The following ASTN2 variants were observed in gnomAD, a reference collection of about 807,000 sequenced individuals.
ASTN2 encodes the protein astrotactin 2.
Under a neutral mutation model 139.8 loss-of-function variants are expected in ASTN2, and 54 were observed. The ratio of observed to expected loss-of-function variants is 0.39; its 90% CI spans 0.31 to 0.48. The LOEUF (loss-of-function observed/expected upper bound fraction) is 0.48. Among genes scored for constraint, ASTN2 ranks in the 20% least tolerant of loss-of-function variants. ASTN2 has a pLI of 0.95. For missense variants in ASTN2, 1,565 were observed against 1,725.1 expected, an observed-to-expected ratio of 0.91 and a Z score of 1.64; for synonymous variants, 756 against 719.5, an observed-to-expected ratio of 1.05 and a Z score of -0.81.
At chr9:116,867,861 GA>G (rs1199970144) in intron 10 of ASTN2, among the ~76,000 whole-genome samples, 2 of 151,884 alleles carry the variant, frequency 1.3e-5, no homozygotes, top group Non-Finnish European at 2.9e-5. Flanking sequence ...CGCAAGACAG[GA>G]AAAAAAAGCT....
chr9:116,726,192 C>G (rs1828618581), intron 15 of ASTN2, among the ~76,000 whole-genome samples: 1 of 152,062 alleles, frequency 6.6e-6, no homozygotes, highest in Non-Finnish European at 1.5e-5. Flanking sequence ...GAGAAGAAGG[C>G]CTAAACTCAG....
intron 13 of ASTN2, among the ~76,000 whole-genome samples, chr9:116,804,446 A>G (rs1805750757): frequency 1.3e-5 from 2 of 152,102 alleles, no homozygotes; most frequent in Non-Finnish European, 2.9e-5. Context: ...GCTACTCTAG[A>G]TTTCTCTTTC....
At chr9:116,559,735 C>T (rs1361923433) in intron 19 of ASTN2, among the ~76,000 whole-genome samples, 1 of 152,142 alleles carries the variant, frequency 6.6e-6, no homozygotes, top group Non-Finnish European at 1.5e-5. Context: ...CTTCAAGGAA[C>T]CTAAGGAACT....
At chr9:116,942,096 ACACACACACACACACACAC>A (rs1835255113) in intron 10 of ASTN2, among the ~76,000 whole-genome samples, 1 of 136,300 alleles carries the variant, frequency 7.3e-6, no homozygotes, top group South Asian at 2.4e-4. Context: ...GCACGCACAC[ACACACACACACACACACAC>A]CACACACACA....
intron 13 of ASTN2, among the ~76,000 whole-genome samples, chr9:116,734,469 A>G (rs1828868988): frequency 6.6e-6 from 1 of 152,162 alleles, no homozygotes; most frequent in Non-Finnish European, 1.5e-5. Context: ...GCCAGTTGGC[A>G]CGGATGGTAT....
In ASTN2 at chr9:117,210,981, CA is replaced by C. The variant is rs57888812; in HGVS notation, c.1015+3376del. Reference sequence around the variant, plus strand: ...AAAAAACCATATGATCATCTCAAAGCAAAAAAAAAAAAAGCTTTTGAAATTT... The same window carrying C: ...AAAAAACCATATGATCATCTCAAAGCAAAAAAAAAAAAGCTTTTGAAATTT... On this transcript the variant is annotated intron_variant, in intron 3 of 22. Transcript: ENST00000313400. Among the ~76,000 whole-genome samples the C allele has an allele frequency of 9.0e-3, 1,239 of 136,938 alleles. 24 individuals are homozygous for C. The highest frequency in any genetic ancestry group is 0.031 in the African/African-American group (1,154 of 36,986). The allele number at this position is 136,938 out of a possible 152,430, so 89.8% of individuals were successfully genotyped here.
At position 116,943,643 on chromosome 9, in the gene ASTN2, C is replaced by T. The variant is rs16934079; in HGVS notation, c.1889+31565G>A. ...GCAGTACTGCAGATCAAAATCATCA[C>T]GGCTTCCCTAATTTCCCCAACATAA... is the stretch of plus-strand genomic sequence containing the variant. On this transcript the variant is annotated intron_variant, in intron 10 of 22. Transcript: ENST00000313400. Among the ~76,000 whole-genome samples the T allele has an allele frequency of 9.2e-3, 1,397 of 152,258 alleles. 29 individuals carry two copies. Among genetic ancestry groups the T allele is most frequent in the African/African-American group, 0.031 (1,301 of 41,546 alleles).
At chr9:117,314,145 T>G (rs1828060120) in intron 1 of ASTN2, among the ~76,000 whole-genome samples, 2 of 152,212 alleles carry the variant, frequency 1.3e-5, no homozygotes, top group South Asian at 4.1e-4. Context: ...TACTGGTGCT[T>G]TGCATTTGAT....
In ASTN2 at chr9:116,547,706, C is replaced by T. The variant is rs956334764; in HGVS notation, c.3356-60206G>A. On this transcript the variant is annotated intron_variant, in intron 19 of 22. Transcript: ENST00000313400. ...TGGTAGGTGGAGATCTCTCAATAAA[C>T]AGCAGCTATAACTAAGATCCCAACC... is the stretch of plus-strand genomic sequence containing the variant. 5 of 152,056 alleles carry T rather than the reference C, an allele frequency of 3.3e-5. No homozygotes were observed. The South Asian group carries it at 1.0e-3, about 32-fold the overall frequency. 9.4% of individuals were successfully genotyped at this position (152,056 alleles called of 1,614,324 possible).
chr9:116,572,384 C>T (rs4836766), intron 19 of ASTN2, among the ~76,000 whole-genome samples: 24,566 of 152,138 alleles, frequency 0.16, 2,174 homozygotes, highest in African/African-American at 0.22. Flanking sequence ...CCACTGGAAA[C>T]AGACTTCCTC....
chr9:116,977,014 C>T (rs1297191045), intron 7 of ASTN2, among the ~76,000 whole-genome samples: 1 of 152,168 alleles, frequency 6.6e-6, no homozygotes, highest in African/African-American at 2.4e-5. Flanking sequence ...TACAGGTGCT[C>T]AGCTCAGCAC....
At chr9:116,950,149 A>G (rs1835517943) in intron 10 of ASTN2, among the ~76,000 whole-genome samples, 1 of 152,172 alleles carries the variant, frequency 6.6e-6, no homozygotes, top group Non-Finnish European at 1.5e-5. Flanking sequence ...GGGTAAAATA[A>G]TTCTTTGTTG....
chr9:117,367,981 C>T (rs1392768342), intron 1 of ASTN2, among the ~76,000 whole-genome samples: 3 of 152,080 alleles, frequency 2.0e-5, no homozygotes, highest in African/African-American at 4.8e-5. Context: ...CAAACAACTT[C>T]CACTTGCAGC....
chr9:116,880,715 A>G (rs1434717060), intron 10 of ASTN2, among the ~76,000 whole-genome samples: 1 of 152,056 alleles, frequency 6.6e-6, no homozygotes, highest in African/African-American at 2.4e-5. Flanking sequence ...TGTTCCTTCT[A>G]GGGCAAAAGA....
At chr9:116,913,645 A>C (rs775209972) in intron 10 of ASTN2, among the ~76,000 whole-genome samples, 2 of 152,234 alleles carry the variant, frequency 1.3e-5, no homozygotes, top group African/African-American at 4.8e-5. Context: ...TGTTCAAAGA[A>C]TATACTCCCT....
intron 19 of ASTN2, among the ~76,000 whole-genome samples, chr9:116,586,839 C>CGT (rs1854174780): frequency 1.3e-5 from 2 of 149,338 alleles, no homozygotes; most frequent in African/African-American, 5.0e-5. Context: ...CATACACACA[C>CGT]ACACACACAC....
At chr9:117,378,668 G>A (rs1473928568) in intron 1 of ASTN2, among the ~76,000 whole-genome samples, 1 of 152,134 alleles carries the variant, frequency 6.6e-6, no homozygotes, top group African/African-American at 2.4e-5. Context: ...GACCCACCAA[G>A]GCAGTGTTTA....
intron 22 of ASTN2, among the ~76,000 whole-genome samples, chr9:116,438,684 C>T (rs1847735096): frequency 6.6e-6 from 1 of 152,222 alleles, no homozygotes; most frequent in South Asian, 2.1e-4. Context: ...GTGGCTCACG[C>T]CTGTAATCCT....
At chr9:117,088,270 T>A (rs2132738383) in intron 5 of ASTN2, among the ~76,000 whole-genome samples, 1 of 152,238 alleles carries the variant, frequency 6.6e-6, no homozygotes, top group East Asian at 1.9e-4. Context: ...AGTTCTGGCA[T>A]CTCTCCTCCA....
Sources: gnomAD v4.1 joint callset for allele counts (sites outside exome capture counted in the v4.1 genomes callset) on GRCh38, gnomAD v4.1.1 for gene constraint, MANE v1.5 for transcripts, NCBI Gene and HGNC (gene_info 2026-07-23, HGNC 2026-07-21) for gene names.